Variants in CRB1 observed in about 807,000 individuals in gnomAD.
CRB1 encodes the protein protein crumbs homolog 1.
In CRB1, 83 loss-of-function variants were observed where a neutral mutation model predicts 120.0. That is an observed-to-expected ratio of 0.69 (90% CI 0.58 to 0.83). The LOEUF (loss-of-function observed/expected upper bound fraction) is 0.83, where lower values mean the gene tolerates loss of function less well. Ranked by LOEUF, CRB1 falls within the 40% of genes least tolerant of loss-of-function variation. CRB1 has a pLI of 0.00. For missense variants in CRB1, 1,699 were observed against 1,687.6 expected, an observed-to-expected ratio of 1.01 and a Z score of -0.12; for synonymous variants, 625 against 612.5, an observed-to-expected ratio of 1.02 and a Z score of -0.30.
the CRB1 span, among the ~76,000 whole-genome samples, chr1:197,206,392 G>A: frequency 1.3e-5 from 2 of 152,092 alleles, no homozygotes; most frequent in African/African-American, 2.4e-5. Flanking sequence ...GGCATTTAAG[G>A]CTATGAACTT....
intron 11 of CRB1, among the ~76,000 whole-genome samples, chr1:197,466,422 G>C (rs1666752032): frequency 6.6e-6 from 1 of 152,166 alleles, no homozygotes; most frequent in South Asian, 2.1e-4. Flanking sequence ...AATCTTTGCT[G>C]AATTACTGAG....
intron 4 of CRB1, among the ~76,000 whole-genome samples, chr1:197,353,985 A>T (rs1481677121): frequency 1.3e-5 from 2 of 150,910 alleles, no homozygotes; most frequent in Admixed American, 1.3e-4. Context: ...ATGGAAAACA[A>T]CCTAATGAAA....
At chr1:197,332,774 G>A (rs1658938120) in intron 2 of CRB1, among the ~76,000 whole-genome samples, 1 of 152,142 alleles carries the variant, frequency 6.6e-6, no homozygotes. Context: ...GTTCATGTGA[G>A]CTTTATTTGG....
intron 11 of CRB1, among the ~76,000 whole-genome samples, chr1:197,450,784 C>A (rs28510275): frequency 5.0e-4 from 30 of 59,610 alleles, no homozygotes; most frequent in East Asian, 1.1e-3. Flanking sequence ...ACTAAAAATA[C>A]AAAAAAAAAA....
At chr1:197,276,378 A>C (rs983437293) in intron 1 of CRB1, among the ~76,000 whole-genome samples, 8 of 151,686 alleles carry the variant, frequency 5.3e-5, no homozygotes, top group Non-Finnish European at 1.0e-4. Flanking sequence ...TTATTCCATA[A>C]TTTTTTTATT....
At chr1:197,438,480 T>C in intron 9 of CRB1, 67 bp from the exon 10 acceptor site, 4 of 1,595,410 alleles carry the variant, frequency 2.5e-6, no homozygotes, top group Non-Finnish European at 3.4e-6. Context: ...CATGAATTTA[T>C]CAGAAAACTT....
In CRB1 at chr1:197,379,067, C is replaced by T. The variant is rs566515686; in HGVS notation, c.1171+22054C>T. On this transcript the variant is annotated intron_variant, in intron 5 of 11. Transcript: ENST00000367400. ...GGCATCCTTGCAAAGAAAAAAGATT[C>T]TATGTGATTAGAGTTGTTTGTGGAT... Among the ~76,000 whole-genome samples the T allele has an allele frequency of 2.0e-5, 3 of 152,208 alleles. No individual in the cohort carries two copies. The South Asian group carries it at 6.2e-4, about 32-fold the overall frequency.
the CRB1 span, among the ~76,000 whole-genome samples, chr1:197,248,546 A>AAAATCTAATT: frequency 9.5e-4 from 145 of 152,042 alleles, no homozygotes; most frequent in Admixed American, 3.5e-3. Flanking sequence ...GAGTTAAGTG[A>AAAATCTAATT]AAATCTAATT....
chr1:197,435,739 G>A, intron 9 of CRB1, 127 bp downstream of exon 9: 1 of 821,016 alleles, frequency 1.2e-6, no homozygotes, highest in Non-Finnish European at 2.0e-6. Context: ...GACACTGGTA[G>A]CTTCTGTCAC....
At chr1:197,390,496 A>C (rs1558102237) in intron 5 of CRB1, among the ~76,000 whole-genome samples, 2 of 152,208 alleles carry the variant, frequency 1.3e-5, no homozygotes, top group Admixed American at 1.3e-4. Flanking sequence ...TGACAAGGTC[A>C]GAAGGCACAT....
At chr1:197,429,030 C>T in intron 7 of CRB1, 2 of 1,500,276 alleles carry the variant, frequency 1.3e-6, no homozygotes, top group Non-Finnish European at 1.8e-6. Flanking sequence ...GACCTAAGTA[C>T]CAAGTTTCAC....
chr1:197,411,579 A>G (rs1663714712), intron 5 of CRB1, among the ~76,000 whole-genome samples: 1 of 152,074 alleles, frequency 6.6e-6, no homozygotes, highest in Admixed American at 6.6e-5. Flanking sequence ...TGCCTGCTTT[A>G]TATCTATTCC....
chr1:197,369,841 T>C lies in CRB1; in HGVS notation c.1171+12828T>C, dbSNP rs563636048. Among the ~76,000 whole-genome samples the C allele has an allele frequency of 2.6e-5, 4 of 152,292 alleles. No homozygotes were observed. The South Asian group carries it at 8.3e-4, about 32-fold the overall frequency. ...CTCAACTTTTTTTCTAAATGTTTCCTTCACCTGCTTGCTTAAGCTCAAATC... is the reference window on the plus strand; with the variant it reads ...CTCAACTTTTTTTCTAAATGTTTCCCTCACCTGCTTGCTTAAGCTCAAATC... On this transcript the variant is annotated intron_variant, in intron 5 of 11. Transcript: ENST00000367400.
chr1:197,205,943 G>T, the CRB1 span, among the ~76,000 whole-genome samples: 7 of 147,462 alleles, frequency 4.7e-5, no homozygotes, highest in African/African-American at 1.5e-4. Context: ...ACTTGTTATT[G>T]GTCCCTTCAG....
chr1:197,222,410 C>T, the CRB1 span: 1 of 767,772 alleles, frequency 1.3e-6, no homozygotes, highest in East Asian at 2.4e-5. Context: ...CAGTAGGTGA[C>T]CTATTTCATC....
At chr1:197,236,674 T>C in the CRB1 span, among the ~76,000 whole-genome samples, 1 of 152,170 alleles carries the variant, frequency 6.6e-6, no homozygotes, top group East Asian at 1.9e-4. Flanking sequence ...ATGCTCTTTA[T>C]CAAGTTAAAG....
At chr1:197,375,007 C>T (rs1425501956) in intron 5 of CRB1, among the ~76,000 whole-genome samples, 1 of 152,182 alleles carries the variant, frequency 6.6e-6, no homozygotes, top group Non-Finnish European at 1.5e-5. Context: ...CCTCTTTCAC[C>T]TACCATTTCA....
At chr1:197,262,711 A>G in the CRB1 span, among the ~76,000 whole-genome samples, 49 of 152,162 alleles carry the variant, frequency 3.2e-4, no homozygotes, top group African/African-American at 1.1e-3. Context: ...CTCAGTGTCT[A>G]TTGTTCCCAT....
the CRB1 span, among the ~76,000 whole-genome samples, chr1:197,220,182 C>CA: frequency 6.7e-6 from 1 of 150,318 alleles, no homozygotes; most frequent in South Asian, 2.1e-4. Context: ...AAATTGATTG[C>CA]AAAAAAGAAA....
Sources: allele counts gnomAD v4.1 joint callset (sites outside exome capture counted in the v4.1 genomes callset), GRCh38; gene constraint gnomAD v4.1.1; transcripts MANE v1.5; gene names NCBI Gene and HGNC (gene_info 2026-07-23, HGNC 2026-07-21).